Variants in SLC27A6 observed in about 807,000 individuals in gnomAD.
The protein encoded by SLC27A6 is solute carrier family 27 member 6, also known as long-chain fatty acid transport protein 6.
Under a neutral mutation model 63.9 loss-of-function variants are expected in SLC27A6, and 74 were observed. That is an observed-to-expected ratio of 1.16 (90% CI 0.96 to 1.40). The LOEUF is 1.40. Among genes scored for constraint, SLC27A6 ranks in the 40% most tolerant of loss-of-function variants. The pLI is 0.00. For missense variants in SLC27A6, 794 were observed against 732.9 expected, an observed-to-expected ratio of 1.08 and a Z score of -0.96; for synonymous variants, 287 against 260.8, an observed-to-expected ratio of 1.10 and a Z score of -0.97.
intron 5 of SLC27A6, among the ~76,000 whole-genome samples, chr5:129,023,022 A>G (rs532448463): frequency 6.6e-6 from 1 of 152,248 alleles, no homozygotes; most frequent in South Asian, 2.1e-4. Flanking sequence ...TAAATTTATC[A>G]TCTCACACCA....
intron 1 of SLC27A6, among the ~76,000 whole-genome samples, chr5:128,974,038 A>T (rs573137710): frequency 1.3e-5 from 2 of 152,362 alleles, no homozygotes; most frequent in South Asian, 4.1e-4. Flanking sequence ...TCTGTTTACA[A>T]GGGCCAACCA....
intron 1 of SLC27A6, among the ~76,000 whole-genome samples, chr5:128,971,409 C>T (rs1257490554): frequency 6.6e-6 from 1 of 152,018 alleles, no homozygotes; most frequent in African/African-American, 2.4e-5. Context: ...CTTTGTAGTT[C>T]TCTAAGGACT....
chr5:129,026,499 C>T (rs186173072), intron 6 of SLC27A6, among the ~76,000 whole-genome samples: 1 of 152,234 alleles, frequency 6.6e-6, no homozygotes, highest in East Asian at 1.9e-4. Context: ...GAGGAATAAA[C>T]TGTTTTATTA....
chr5:129,027,230 T>A lies in SLC27A6; in HGVS notation c.1353T>A (p.Asp451Glu). ...ACACAAAAGACAAATTGCTTTGTGA[T>A]GTTTTTAAGAAGGGAGATGTTTACC... is the stretch of plus-strand genomic sequence containing the variant. ...YKHTKDKLLC[D>E]VFKKGDVYLN... Residue 451 changes from aspartate (D) to glutamate (E), a missense_variant, in exon 7 of 10, where the codon GAT becomes GAA. Transcript: ENST00000262462. 6.2e-7 allele frequency: 1 copy of A among 1,613,388 alleles called. No homozygotes were observed. Among genetic ancestry groups the A allele is most frequent in the South Asian group, 1.1e-5 (1 of 91,078 alleles).
intron 1 of SLC27A6, among the ~76,000 whole-genome samples, chr5:128,967,038 T>G (rs1049673864): frequency 6.6e-6 from 1 of 152,198 alleles, no homozygotes. Context: ...GAGATATGTT[T>G]AAAGGAAGGT....
intron 1 of SLC27A6, among the ~76,000 whole-genome samples, chr5:128,968,861 T>C (rs1750017863): frequency 6.6e-6 from 1 of 152,230 alleles, no homozygotes; most frequent in African/African-American, 2.4e-5. Flanking sequence ...TGAATGGTAT[T>C]GCCTAGATTT....
chr5:129,031,012 T>C (rs1752400549), intron 9 of SLC27A6, among the ~76,000 whole-genome samples: 1 of 151,864 alleles, frequency 6.6e-6, no homozygotes, highest in Non-Finnish European at 1.5e-5. Context: ...TTTGATGGAG[T>C]AGAAAGTTGA....
At chr5:129,026,704 G>A (rs755850786) in intron 6 of SLC27A6, among the ~76,000 whole-genome samples, 26 of 152,000 alleles carry the variant, frequency 1.7e-4, no homozygotes, top group Non-Finnish European at 3.1e-4. Context: ...AAGCAAAGTG[G>A]CATTTGCAAA....
chr5:128,985,291 C>G lies in SLC27A6; in HGVS notation c.640C>G (p.Leu214Val). 1 of 1,614,128 alleles carries G rather than the reference C, an allele frequency of 6.2e-7. No individual in the cohort carries two copies. Among genetic ancestry groups the G allele is most frequent in the Non-Finnish European group, 8.5e-7 (1 of 1,180,008 alleles). ...PVPRSHHVVS[L>V]LKSTCLYIFT... ...GCCACGCAGCCACCATGTTGTCTCA[C>G]TCCTCAAGTCTACTTGTCTTTACAT... The change falls in exon 2 of 10, where the codon CTC (leucine) becomes GTC (valine). Residue 214 changes from leucine (L) to valine (V), a missense_variant. By Grantham distance (32) the Leu-to-Val change is conservative. Coordinates refer to ENST00000262462, the MANE Select transcript of SLC27A6 (RefSeq NM_001017372.3).
At chr5:129,023,823 A>T in intron 6 of SLC27A6, 113 bp downstream of exon 6, 1 of 697,010 alleles carries the variant, frequency 1.4e-6, no homozygotes, top group Admixed American at 2.8e-5. Flanking sequence ...AGACACCAAA[A>T]TTCATGGATG....
intron 1 of SLC27A6, among the ~76,000 whole-genome samples, chr5:128,980,902 C>T (rs1188730976): frequency 6.6e-6 from 1 of 152,044 alleles, no homozygotes; most frequent in Non-Finnish European, 1.5e-5. Flanking sequence ...ATAACTCATA[C>T]TAATGGCATA....
Position 129,028,371 on chromosome 5 carries a change from C to CT in SLC27A6, c.1482dup (p.Glu495Ter). 1 of 1,610,736 alleles carries CT rather than the reference C, an allele frequency of 6.2e-7. No homozygotes were observed. Among genetic ancestry groups the CT allele is most frequent in the Non-Finnish European group, 8.5e-7 (1 of 1,177,526 alleles). On this transcript the variant is annotated frameshift_variant, in exon 8 of 10. Transcript: ENST00000262462. LOFTEE classifies it high-confidence loss of function. The stretch of plus-strand genomic sequence containing the variant: ...TGGAAAGGAGAAAATGTCGCAACCA[C>CT]TGAGGTTGCTGATGTTATTGGAATG...
intron 9 of SLC27A6, among the ~76,000 whole-genome samples, chr5:129,031,282 A>G (rs1213810427): frequency 1.3e-5 from 2 of 152,054 alleles, no homozygotes; most frequent in Non-Finnish European, 2.9e-5. Flanking sequence ...TTAGTAATAA[A>G]TGATCTCATA....
chr5:128,966,943 G>A (rs2577542), intron 1 of SLC27A6, among the ~76,000 whole-genome samples: 36,705 of 152,106 alleles, frequency 0.24, 4,981 homozygotes, highest in Middle Eastern at 0.33. Flanking sequence ...TGACAAAATG[G>A]TGAATAGGAA....
chr5:128,966,228 T>G lies in SLC27A6; in HGVS notation c.91T>G (p.Phe31Val). The G allele has an allele frequency of 1.9e-6, 3 of 1,612,906 alleles. No homozygotes were observed. Among genetic ancestry groups the G allele is most frequent in the Non-Finnish European group, 2.5e-6 (3 of 1,179,344 alleles). The change falls in exon 1 of 10, where the codon TTC becomes GTC. Residue 31 changes from phenylalanine to valine, a missense_variant. Coordinates refer to ENST00000262462, the MANE Select transcript of SLC27A6 (RefSeq NM_001017372.3). ...CCTGTTCCCTTACTTTTGGGATGAC[T>G]TCTGGTTCGTGTTGAAGGTGGTGCT... ...KLLFPYFWDD[F>V]WFVLKVVLII...
At chr5:128,986,919 G>T (rs1341106434) in intron 2 of SLC27A6, among the ~76,000 whole-genome samples, 2 of 152,046 alleles carry the variant, frequency 1.3e-5, no homozygotes, top group Admixed American at 1.3e-4. Flanking sequence ...CAGAAATTGG[G>T]TACCAGGTAC....
chr5:128,972,159 TG>T (rs1194170682), intron 1 of SLC27A6, among the ~76,000 whole-genome samples: 3 of 152,190 alleles, frequency 2.0e-5, no homozygotes, highest in African/African-American at 7.2e-5. Flanking sequence ...CTTCCCTTTG[TG>T]GGTAACCCGA....
At chr5:128,985,754 G>C (rs1410750394) in intron 2 of SLC27A6, among the ~76,000 whole-genome samples, 2 of 152,064 alleles carry the variant, frequency 1.3e-5, no homozygotes, top group African/African-American at 4.8e-5. Flanking sequence ...GATTCTTTTG[G>C]ATTTAAAAAG....
At chr5:129,019,159 A>G (rs1751996843) in intron 5 of SLC27A6, among the ~76,000 whole-genome samples, 1 of 152,192 alleles carries the variant, frequency 6.6e-6, no homozygotes, top group East Asian at 1.9e-4. Flanking sequence ...TACACTTACT[A>G]TTTTAATGCA....
Sources: gnomAD v4.1 joint callset for allele counts (sites outside exome capture counted in the v4.1 genomes callset) on GRCh38, gnomAD v4.1.1 for gene constraint, MANE v1.5 for transcripts, NCBI Gene and HGNC (gene_info 2026-07-23, HGNC 2026-07-21) for gene names.